MGAT4C: variants seen among roughly 807,000 people sequenced by gnomAD.
MGAT4C encodes MGAT4 family member C, also known as alpha-1,3-mannosyl-glycoprotein 4-beta-N-acetylglucosaminyltransferase C.
Under a neutral mutation model 40.1 loss-of-function variants are expected in MGAT4C, and 19 were observed. That is an observed-to-expected ratio of 0.47 (90% CI 0.33 to 0.70). The LOEUF (loss-of-function observed/expected upper bound fraction) is 0.70, where lower values mean the gene tolerates loss of function less well. MGAT4C is among the 30% of genes least tolerant of loss of function. The probability of loss-of-function intolerance (pLI) is 0.02; values close to 1 mark genes in which losing one functional copy is unlikely to be tolerated. For missense variants in MGAT4C, 491 were observed against 563.2 expected (o/e 0.87, Z 1.30); for synonymous variants, 181 against 187.1 (o/e 0.97, Z 0.27).
At chr12:86,294,364 T>C (rs370665727) in intron 4 of MGAT4C, among the ~76,000 whole-genome samples, 256 of 16,936 alleles carry the variant, frequency 0.015, 4 homozygotes, top group African/African-American at 0.031. Context: ...CTAAAACTCC[T>C]TTTTTTTTTT....
At chr12:86,066,258 C>T (rs921638891) in intron 1 of MGAT4C, among the ~76,000 whole-genome samples, 32 of 152,020 alleles carry the variant, frequency 2.1e-4, no homozygotes, top group Non-Finnish European at 4.4e-4. Flanking sequence ...CCAAGACAAT[C>T]GTAAGCAAAA....
At position 86,228,532 on chromosome 12, in the gene MGAT4C, C is replaced by T. The variant is rs185427569; in HGVS notation, c.-57+27707G>A. On this transcript the variant is annotated intron_variant, in intron 1 of 4. Coordinates refer to ENST00000611864, the MANE Select transcript of MGAT4C (RefSeq NM_001351288.2). ...TGCAGCTTTCAATGAATCAGGGGAA[C>T]CTCTTTTGGGGAGAAGCAGGAATCA... Among the ~76,000 whole-genome samples, 678 of 151,854 alleles carry T rather than the reference C, an allele frequency of 4.5e-3. 7 individuals carry two copies. The highest frequency in any genetic ancestry group is 0.018 in the South Asian group (86 of 4,820).
At chr12:86,065,763 C>T (rs1399962633) in intron 1 of MGAT4C, among the ~76,000 whole-genome samples, 1 of 152,142 alleles carries the variant, frequency 6.6e-6, no homozygotes, top group East Asian at 1.9e-4. Flanking sequence ...AAGAGGAGGT[C>T]AAATTGCCTC....
At chr12:86,759,040 C>T (rs1277788828) in intron 1 of MGAT4C, among the ~76,000 whole-genome samples, 1 of 152,036 alleles carries the variant, frequency 6.6e-6, no homozygotes, top group Non-Finnish European at 1.5e-5. Flanking sequence ...ATCATCCTCC[C>T]TCCCCGCTCT....
At chr12:86,826,498 T>C (rs1179479303) in intron 1 of MGAT4C, among the ~76,000 whole-genome samples, 2 of 151,588 alleles carry the variant, frequency 1.3e-5, no homozygotes, top group Non-Finnish European at 3.0e-5. Flanking sequence ...TTAATTGATA[T>C]GTCCATGTTT....
At chr12:86,642,918 C>T (rs1401297043) in intron 2 of MGAT4C, among the ~76,000 whole-genome samples, 1 of 151,472 alleles carries the variant, frequency 6.6e-6, no homozygotes, top group East Asian at 1.9e-4. Flanking sequence ...TACATGATTT[C>T]GGGGATGTAA....
At chr12:86,312,512 T>C (rs187935007) in intron 4 of MGAT4C, among the ~76,000 whole-genome samples, 1 of 152,330 alleles carries the variant, frequency 6.6e-6, no homozygotes, top group East Asian at 1.9e-4. Flanking sequence ...GGCAAGTTAC[T>C]CAACCTTCCT....
At chr12:86,523,892 A>C (rs1401519806) in intron 2 of MGAT4C, among the ~76,000 whole-genome samples, 1 of 152,046 alleles carries the variant, frequency 6.6e-6, no homozygotes, top group African/African-American at 2.4e-5. Context: ...CTTTTGTCTG[A>C]AACTAGGGTG....
intron 1 of MGAT4C, among the ~76,000 whole-genome samples, chr12:86,798,093 TA>T (rs1952163102): frequency 6.6e-6 from 1 of 151,900 alleles, no homozygotes. Flanking sequence ...TTTCCCTACA[TA>T]CAACCCTTTG....
chr12:86,189,467 A>G (rs1036924620), intron 1 of MGAT4C, among the ~76,000 whole-genome samples: 7 of 151,984 alleles, frequency 4.6e-5, no homozygotes, highest in African/African-American at 1.7e-4. Context: ...GACAGCAAAA[A>G]CAAGGAGCAC....
intron 2 of MGAT4C, among the ~76,000 whole-genome samples, chr12:86,682,367 T>C (rs756263126): frequency 6.6e-6 from 1 of 152,058 alleles, no homozygotes; most frequent in Non-Finnish European, 1.5e-5. Flanking sequence ...AGCTAAGCAG[T>C]TTACTAATTA....
At chr12:86,128,626 T>G (rs1407840860) in intron 1 of MGAT4C, among the ~76,000 whole-genome samples, 1 of 152,116 alleles carries the variant, frequency 6.6e-6, no homozygotes, top group Non-Finnish European at 1.5e-5. Flanking sequence ...TCAAAATACG[T>G]GGATCTGTGT....
intron 1 of MGAT4C, among the ~76,000 whole-genome samples, chr12:86,179,177 T>A (rs1887830432): frequency 6.6e-6 from 1 of 152,128 alleles, no homozygotes; most frequent in African/African-American, 2.4e-5. Flanking sequence ...ATCTGATGGG[T>A]TTATCAGGGG....
intron 3 of MGAT4C, among the ~76,000 whole-genome samples, chr12:86,362,556 G>T (rs1955500241): frequency 6.6e-6 from 1 of 152,132 alleles, no homozygotes; most frequent in Non-Finnish European, 1.5e-5. Flanking sequence ...ATAATAAAAA[G>T]ATCCAGTCAT....
At chr12:86,823,006 ATAGG>A (rs1246549228) in intron 1 of MGAT4C, among the ~76,000 whole-genome samples, 1 of 151,146 alleles carries the variant, frequency 6.6e-6, no homozygotes, top group Non-Finnish European at 1.5e-5. Flanking sequence ...AAATTCCCAA[ATAGG>A]TAGTAATTGA....
At chr12:86,196,515 A>AT (rs1191889921) in intron 1 of MGAT4C, among the ~76,000 whole-genome samples, 1 of 152,198 alleles carries the variant, frequency 6.6e-6, no homozygotes, top group Non-Finnish European at 1.5e-5. Context: ...TGGGTATGTG[A>AT]TGGGAGTAGC....
intron 4 of MGAT4C, among the ~76,000 whole-genome samples, chr12:86,273,014 C>A (rs897302645): frequency 2.6e-5 from 4 of 151,950 alleles, no homozygotes; most frequent in Admixed American, 1.3e-4. Context: ...TAATTATTTC[C>A]TGTTTTCTTA....
chr12:86,763,405 T>C (rs1951439496), intron 1 of MGAT4C, among the ~76,000 whole-genome samples: 1 of 152,226 alleles, frequency 6.6e-6, no homozygotes. Context: ...TAAACCTATG[T>C]ATACTGTGGA....
intron 2 of MGAT4C, among the ~76,000 whole-genome samples, chr12:86,551,502 T>C (rs543331187): frequency 7.2e-5 from 11 of 152,292 alleles, no homozygotes; most frequent in African/African-American, 2.6e-4. Context: ...AACAGTCCCA[T>C]GGGCTGCTCC....
Sources: gnomAD v4.1 joint callset for allele counts (sites outside exome capture counted in the v4.1 genomes callset) on GRCh38, gnomAD v4.1.1 for gene constraint, MANE v1.5 for transcripts, NCBI Gene and HGNC (gene_info 2026-07-23, HGNC 2026-07-21) for gene names.